The following TPO variants were observed in gnomAD, a reference collection of about 807,000 sequenced individuals.
TPO encodes thyroid microsomal antigen.
A neutral mutation model predicts 96.9 loss-of-function variants in TPO; 78 were observed. That is an observed-to-expected ratio of 0.81 (90% CI 0.67 to 0.97). The LOEUF (loss-of-function observed/expected upper bound fraction) is 0.97. Among genes scored for constraint, TPO ranks in the 50% least tolerant of loss-of-function variants. The pLI is 0.00. For missense variants in TPO, 1,252 were observed against 1,274.8 expected, an observed-to-expected ratio of 0.98 and a Z score of 0.27; for synonymous variants, 547 against 538.0, an observed-to-expected ratio of 1.02 and a Z score of -0.23.
At chr2:1,415,270 C>G (rs1662801377) in intron 2 of TPO, among the ~76,000 whole-genome samples, 1 of 143,502 alleles carries the variant, frequency 7.0e-6, no homozygotes, top group Admixed American at 6.9e-5. Flanking sequence ...TGGACACAGT[C>G]CCGGGGCCCC....
intron 15 of TPO, among the ~76,000 whole-genome samples, chr2:1,529,535 T>G (rs1353460925): frequency 9.8e-6 from 1 of 101,524 alleles, no homozygotes; most frequent in Non-Finnish European, 1.8e-5. Context: ...CCCCCCACTG[T>G]GAGCAATCTC....
chr2:1,540,519 T>C lies in TPO; in HGVS notation c.2619-75T>C, dbSNP rs1431449124. ...ACAAGCACGGCTGCCTTGCCGTCGC[T>C]CGTGCCGTGCTCTCTACCCTCCACA... On this transcript the variant is annotated intron_variant, in intron 15 of 16. Transcript: ENST00000329066. 5 of 1,602,322 alleles carry C rather than the reference T, an allele frequency of 3.1e-6. No individual in the cohort carries two copies. The South Asian group carries it at 3.3e-5, about 11-fold the overall frequency.
intron 3 of TPO, among the ~76,000 whole-genome samples, chr2:1,430,628 C>T (rs1664883463): frequency 5.9e-5 from 9 of 152,272 alleles, no homozygotes; most frequent in Admixed American, 5.9e-4. Context: ...AACTCCAACC[C>T]ATGAGAGCAG....
intron 15 of TPO, among the ~76,000 whole-genome samples, chr2:1,534,137 A>ATC (rs1558432115): frequency 1.0e-4 from 1 of 10,036 alleles, no homozygotes; most frequent in Admixed American, 1.5e-3. Context: ...AAATCCCCCC[A>ATC]ACTGTTTGCA....
At chr2:1,448,905 C>A (rs1667071177) in intron 5 of TPO, among the ~76,000 whole-genome samples, 1 of 152,274 alleles carries the variant, frequency 6.6e-6, no homozygotes. Flanking sequence ...GGACTGGGTT[C>A]CCCTGACGCC....
chr2:1,471,973 A>T (rs1669465771), intron 7 of TPO, among the ~76,000 whole-genome samples: 1 of 149,438 alleles, frequency 6.7e-6, no homozygotes, highest in Non-Finnish European at 1.5e-5. Flanking sequence ...CATGATCTGA[A>T]TGTTCATAGC....
chr2:1,381,467 G>A (rs554385563), intron 1 of TPO, among the ~76,000 whole-genome samples: 1 of 152,246 alleles, frequency 6.6e-6, no homozygotes, highest in African/African-American at 2.4e-5. Context: ...ACAGCAACGA[G>A]GGGGTGGTGC....
At chr2:1,391,715 T>G (rs553111585) in intron 1 of TPO, among the ~76,000 whole-genome samples, 12 of 152,224 alleles carry the variant, frequency 7.9e-5, no homozygotes, top group Non-Finnish European at 1.6e-4. Flanking sequence ...TAGTTCTCCT[T>G]GAAGAGGTCC....
chr2:1,390,492 G>A (rs142322970), intron 1 of TPO, among the ~76,000 whole-genome samples: 1,808 of 152,242 alleles, frequency 0.012, 37 homozygotes, highest in African/African-American at 0.041. Context: ...ATAGACATAC[G>A]TGTGCATGTG....
At position 1,542,721 on chromosome 2, in the gene TPO, C is replaced by A; in HGVS notation, c.*247C>A. ...GGGCTTTGCCATTAAAATGTATTTA[C>A]AGATTACACATCTTTATTTTGTGAA... On this transcript the variant is annotated 3_prime_UTR_variant, in exon 17 of 17. Transcript: ENST00000329066. 1 of 1,113,690 alleles carries A rather than the reference C, an allele frequency of 9.0e-7. No individual in the cohort carries two copies. The highest frequency in any genetic ancestry group is 1.3e-6 in the Non-Finnish European group (1 of 787,342). 69.0% of individuals were successfully genotyped at this position (1,113,690 alleles called of 1,614,324 possible).
At chr2:1,461,926 G>C (rs577726143) in intron 7 of TPO, among the ~76,000 whole-genome samples, 5 of 152,332 alleles carry the variant, frequency 3.3e-5, no homozygotes, top group African/African-American at 1.2e-4. Context: ...GTTCCGGGGG[G>C]TCCGGGCACT....
intron 7 of TPO, among the ~76,000 whole-genome samples, chr2:1,460,502 A>G (rs1039286873): frequency 2.0e-5 from 3 of 151,976 alleles, no homozygotes; most frequent in African/African-American, 7.3e-5. Flanking sequence ...GCGTGTATAT[A>G]GGTTTGTTGT....
chr2:1,455,448 C>T (rs1667702011), intron 6 of TPO, among the ~76,000 whole-genome samples: 1 of 152,174 alleles, frequency 6.6e-6, no homozygotes, highest in Non-Finnish European at 1.5e-5. Context: ...ATAAATCATC[C>T]ACATCAGGTA....
intron 1 of TPO, among the ~76,000 whole-genome samples, chr2:1,375,433 C>T (rs1661708818): frequency 6.6e-6 from 1 of 151,960 alleles, no homozygotes. Context: ...GTGACCCGAG[C>T]CTTTTCCAAA....
At chr2:1,462,338 C>T (rs1668523744) in intron 7 of TPO, among the ~76,000 whole-genome samples, 1 of 152,174 alleles carries the variant, frequency 6.6e-6, no homozygotes, top group South Asian at 2.1e-4. Flanking sequence ...AAACTCAGGG[C>T]ACAGACAAGA....
chr2:1,396,820 G>T (rs1390788022), intron 1 of TPO, among the ~76,000 whole-genome samples: 5 of 152,116 alleles, frequency 3.3e-5, no homozygotes, highest in African/African-American at 1.2e-4. Flanking sequence ...ATCCATCCTT[G>T]CTCCGTTGTG....
chr2:1,495,637 C>T (rs367545228), intron 11 of TPO, among the ~76,000 whole-genome samples: 1 of 152,258 alleles, frequency 6.6e-6, no homozygotes, highest in Non-Finnish European at 1.5e-5. Flanking sequence ...TGAGGCCGCT[C>T]GTTCAGACAG....
intron 16 of TPO, 140 bp from the exon 17 acceptor site, chr2:1,542,281 C>CAAGA: frequency 8.5e-7 from 1 of 1,182,296 alleles, no homozygotes. Flanking sequence ...GCATGACAAG[C>CAAGA]AAGAAGGATG....
At chr2:1,439,714 C>G (rs915709173) in intron 5 of TPO, among the ~76,000 whole-genome samples, 72 of 152,292 alleles carry the variant, frequency 4.7e-4, no homozygotes, top group African/African-American at 1.2e-3. Flanking sequence ...CCCTCTCCCC[C>G]TCACCATGTT....
Sources: gnomAD v4.1 joint callset for allele counts (sites outside exome capture counted in the v4.1 genomes callset) on GRCh38, gnomAD v4.1.1 for gene constraint, MANE v1.5 for transcripts, NCBI Gene and HGNC (gene_info 2026-07-23, HGNC 2026-07-21) for gene names.